Variants in IMMP2L observed in about 807,000 individuals in gnomAD.
IMMP2L encodes inner mitochondrial membrane peptidase subunit 2.
Under a neutral mutation model 19.3 loss-of-function variants are expected in IMMP2L, and 18 were observed. That is an observed-to-expected ratio of 0.93 (90% CI 0.64 to 1.38). IMMP2L has a LOEUF of 1.38. Among genes scored for constraint, IMMP2L ranks in the 40% most tolerant of loss-of-function variants. IMMP2L has a pLI of 0.00. For missense variants in IMMP2L, 233 were observed against 218.2 expected (o/e 1.07, Z -0.43); for synonymous variants, 76 against 73.0 (o/e 1.04, Z -0.21).
intron 4 of IMMP2L, among the ~76,000 whole-genome samples, chr7:110,933,088 A>G (rs1301546268): frequency 1.3e-5 from 2 of 152,312 alleles, no homozygotes; most frequent in East Asian, 3.9e-4. Flanking sequence ...TAACTTTATC[A>G]TGTACAGTTA....
chr7:111,285,965 A>G (rs184827454), intron 3 of IMMP2L, among the ~76,000 whole-genome samples: 1 of 152,308 alleles, frequency 6.6e-6, no homozygotes, highest in Non-Finnish European at 1.5e-5. Context: ...ACCAGTCACT[A>G]TAATCCAAAA....
intron 3 of IMMP2L, among the ~76,000 whole-genome samples, chr7:111,446,593 C>G (rs937514708): frequency 1.3e-5 from 2 of 151,804 alleles, no homozygotes; most frequent in Non-Finnish European, 2.9e-5. Context: ...TAGATAAAAC[C>G]ACAAAGATGG....
intron 5 of IMMP2L, among the ~76,000 whole-genome samples, chr7:110,692,564 C>T (rs573003916): frequency 6.9e-4 from 105 of 152,070 alleles, no homozygotes; most frequent in Non-Finnish European, 1.2e-3. Context: ...CAAATCTACA[C>T]ATTGTTAACC....
chr7:110,663,518 T>G lies in IMMP2L; in HGVS notation c.*84A>C, dbSNP rs1023423949. The G allele has an allele frequency of 8.4e-7, 1 of 1,194,254 alleles. No homozygotes were observed. Among genetic ancestry groups the G allele is most frequent in the Non-Finnish European group, 1.2e-6 (1 of 815,268 alleles). The allele number at this position is 1,194,254 out of a possible 1,614,324, so 74.0% of individuals were successfully genotyped here. A position where few individuals can be genotyped will look rare whatever the true frequency, so the allele number is the denominator to read the frequency against. ...TCGCACAGCATCATATTGTCAGAAG[T>G]TTTTCCCTTTTGGAGGCTTCTTTTT... is the stretch of plus-strand genomic sequence containing the variant. On this transcript the variant is annotated 3_prime_UTR_variant, in exon 6 of 6. Coordinates refer to ENST00000405709, the MANE Select transcript of IMMP2L (RefSeq NM_032549.4).
intron 3 of IMMP2L, among the ~76,000 whole-genome samples, chr7:111,025,706 G>A (rs1826736558): frequency 6.6e-6 from 1 of 152,142 alleles, no homozygotes; most frequent in Admixed American, 6.5e-5. Context: ...CCTGCATCCA[G>A]CCCAGTGCTT....
chr7:110,766,037 T>A (rs1584762243), intron 5 of IMMP2L, among the ~76,000 whole-genome samples: 1 of 152,192 alleles, frequency 6.6e-6, no homozygotes, highest in African/African-American at 2.4e-5. Flanking sequence ...AAATTCCGTA[T>A]CATGTGGCTA....
Position 111,235,658 on chromosome 7 carries a change from G to A in IMMP2L, c.239+251580C>T, listed in dbSNP as rs150087266. ...TTCTCATTATCACTGGTATTAGTTT[G>A]ATTATAATATGCCTCTGTATCATCT... On this transcript the variant is annotated intron_variant, in intron 3 of 5. Coordinates refer to ENST00000405709, the MANE Select transcript of IMMP2L (RefSeq NM_032549.4). Among the ~76,000 whole-genome samples the A allele has an allele frequency of 2.0e-5, 3 of 151,864 alleles. No individual in the cohort carries two copies. The East Asian group carries it at 5.8e-4, about 29-fold the overall frequency.
rs536194442 is a variant in IMMP2L, at chr7:111,157,402, T to A, written c.240-193837A>T. On this transcript the variant is annotated intron_variant, in intron 3 of 5. Coordinates refer to ENST00000405709, the MANE Select transcript of IMMP2L (RefSeq NM_032549.4). Reference sequence around the variant, plus strand: ...TGGAGTACTCTTCAGCCATAAAAAATAATAAGATCTTGTCATTTGCAACCA... The same window carrying A: ...TGGAGTACTCTTCAGCCATAAAAAAAAATAAGATCTTGTCATTTGCAACCA... 7.2e-5 allele frequency among the ~76,000 whole-genome samples: 11 copies of A among 152,130 alleles called. No individual in the cohort carries two copies. In the South Asian group the frequency reaches 2.3e-3, roughly 32 times the overall value.
chr7:110,928,351 GCACA>G (rs58639346), intron 4 of IMMP2L, among the ~76,000 whole-genome samples: 16,245 of 116,782 alleles, frequency 0.14, 1,190 homozygotes, highest in Admixed American at 0.22. Flanking sequence ...ATATGTACCT[GCACA>G]CACACACACA....
intron 1 of IMMP2L, among the ~76,000 whole-genome samples, chr7:111,533,972 GAC>G (rs1400057126): frequency 1.5e-4 from 23 of 151,786 alleles, no homozygotes; most frequent in Admixed American, 1.4e-3. Context: ...TAAGAAAAAA[GAC>G]AATAATTTTG....
chr7:111,330,793 G>A (rs1825799995), intron 3 of IMMP2L, among the ~76,000 whole-genome samples: 3 of 151,858 alleles, frequency 2.0e-5, no homozygotes, highest in Admixed American at 1.3e-4. Context: ...CTCAAAAGAA[G>A]ACATACAAAT....
chr7:111,492,925 C>T (rs1401172790), intron 2 of IMMP2L, among the ~76,000 whole-genome samples: 3 of 152,120 alleles, frequency 2.0e-5, no homozygotes, highest in Admixed American at 1.3e-4. Context: ...TAGGTATCTG[C>T]CTACAGATAA....
intron 5 of IMMP2L, among the ~76,000 whole-genome samples, chr7:110,833,160 C>T (rs911644806): frequency 1.3e-4 from 20 of 152,054 alleles, no homozygotes; most frequent in African/African-American, 4.6e-4. Context: ...ATCATGAGGT[C>T]GGGCACGGTG....
chr7:111,317,234 A>T (rs1366578931), intron 3 of IMMP2L, among the ~76,000 whole-genome samples: 1 of 151,916 alleles, frequency 6.6e-6, no homozygotes, highest in Non-Finnish European at 1.5e-5. Context: ...TCCTGTACCC[A>T]CTCAGGCCTA....
At chr7:110,907,940 C>T (rs1472955845) in intron 4 of IMMP2L, among the ~76,000 whole-genome samples, 1 of 152,080 alleles carries the variant, frequency 6.6e-6, no homozygotes, top group African/African-American at 2.4e-5. Flanking sequence ...AGGAGCCAAG[C>T]CTTACTCATG....
chr7:111,078,375 T>C (rs1012656139), intron 3 of IMMP2L, among the ~76,000 whole-genome samples: 6 of 152,218 alleles, frequency 3.9e-5, no homozygotes, highest in Non-Finnish European at 7.3e-5. Flanking sequence ...TCTTTTGGTC[T>C]AGAATGTCAC....
intron 5 of IMMP2L, among the ~76,000 whole-genome samples, chr7:110,752,553 A>T (rs559872872): frequency 6.6e-6 from 1 of 152,166 alleles, no homozygotes; most frequent in South Asian, 2.1e-4. Context: ...TATTGTTTTC[A>T]AGTCTAGTAT....
intron 3 of IMMP2L, among the ~76,000 whole-genome samples, chr7:111,040,159 A>C (rs1170887289): frequency 1.3e-5 from 2 of 152,142 alleles, no homozygotes; most frequent in African/African-American, 4.8e-5. Context: ...ACAAGACCAA[A>C]ACTCTGTCTC....
chr7:111,529,344 T>A (rs1002582168), intron 1 of IMMP2L, among the ~76,000 whole-genome samples: 1 of 152,192 alleles, frequency 6.6e-6, no homozygotes, highest in African/African-American at 2.4e-5. Flanking sequence ...TACAACAATT[T>A]TGGTTCCACT....
Sources: gnomAD v4.1 joint callset for allele counts (sites outside exome capture counted in the v4.1 genomes callset) on GRCh38, gnomAD v4.1.1 for gene constraint, MANE v1.5 for transcripts, NCBI Gene and HGNC (gene_info 2026-07-23, HGNC 2026-07-21) for gene names.